The following LRRC2 variants were observed in gnomAD, a reference collection of about 807,000 sequenced individuals.
LRRC2 encodes leucine rich repeat containing 2.
LRRC2 carries 27 observed loss-of-function variants against 40.2 expected under a neutral mutation model. The ratio of observed to expected loss-of-function variants is 0.67; its 90% CI spans 0.49 to 0.93. The LOEUF is 0.93. LRRC2 is among the 40% of genes least tolerant of loss of function. The pLI is 0.00. For synonymous variants in LRRC2, 147 were observed against 158.9 expected (o/e 0.92, Z 0.56); for missense variants, 402 against 439.6 (o/e 0.91, Z 0.76).
chr3:46,550,248 C>T (rs907988118), intron 2 of LRRC2, among the ~76,000 whole-genome samples: 1 of 152,096 alleles, frequency 6.6e-6, no homozygotes, highest in East Asian at 1.9e-4. Context: ...GTGGTAACCA[C>T]CTGAAACCAC....
chr3:46,563,704 C>T (rs562514159), intron 1 of LRRC2, among the ~76,000 whole-genome samples: 78 of 152,340 alleles, frequency 5.1e-4, no homozygotes, highest in African/African-American at 1.7e-3. Context: ...TGGACCAAGC[C>T]ATAGACGAGC....
chr3:46,536,086 G>A (rs1704264727), intron 4 of LRRC2, among the ~76,000 whole-genome samples: 1 of 152,166 alleles, frequency 6.6e-6, no homozygotes, highest in Admixed American at 6.5e-5. Context: ...AGAACACAGT[G>A]TAAGCCCATG....
rs1432437701 is a variant in LRRC2, at chr3:46,566,233, C to T, written c.-76G>A. 1 of 151,818 alleles carries T rather than the reference C, an allele frequency of 6.6e-6. No homozygotes were observed. The highest frequency in any genetic ancestry group is 1.5e-5 in the Non-Finnish European group (1 of 68,014). 9.4% of individuals were successfully genotyped at this position (151,818 alleles called of 1,614,324 possible). ...GCCTGCCCGCCGCGGCTGTTTACAC[C>T]GCAGAGGCTGTTTACACCGCAGAGG... is the stretch of plus-strand genomic sequence containing the variant. On this transcript the variant is annotated 5_prime_UTR_variant, in exon 1 of 9. Transcript: ENST00000395905.
At chr3:46,523,555 T>C (rs1320682071) in intron 7 of LRRC2, among the ~76,000 whole-genome samples, 1 of 152,190 alleles carries the variant, frequency 6.6e-6, no homozygotes, top group Non-Finnish European at 1.5e-5. Context: ...TTCACAAAAG[T>C]AGAAAAAAGT....
At chr3:46,548,725 G>T (rs535736337) in intron 2 of LRRC2, among the ~76,000 whole-genome samples, 2 of 152,158 alleles carry the variant, frequency 1.3e-5, no homozygotes, top group Non-Finnish European at 2.9e-5. Context: ...TAAATCAGCA[G>T]TCCTCAACCT....
intron 1 of LRRC2, among the ~76,000 whole-genome samples, 195 bp from the exon 2 acceptor site, chr3:46,551,805 C>A (rs1199352653): frequency 3.0e-5 from 1 of 33,820 alleles, no homozygotes; most frequent in Non-Finnish European, 5.2e-5. Context: ...TTTTGTTTGT[C>A]TTGTTTTTAT....
chr3:46,546,326 G>A (rs1041212698), intron 2 of LRRC2, among the ~76,000 whole-genome samples: 4 of 152,234 alleles, frequency 2.6e-5, no homozygotes, highest in African/African-American at 9.6e-5. Context: ...TGGCACTGTG[G>A]GGCACAGGCA....
At chr3:46,519,212 A>G (rs1703922147) in intron 8 of LRRC2, 149 bp from the exon 9 acceptor site, 4 of 631,478 alleles carry the variant, frequency 6.3e-6, no homozygotes, top group Non-Finnish European at 1.1e-5. Flanking sequence ...ATAGGTGATA[A>G]ATAATGCATT....
At chr3:46,532,940 A>G in intron 4 of LRRC2, 31 bp from the exon 5 acceptor site, 1 of 1,608,690 alleles carries the variant, frequency 6.2e-7, no homozygotes, top group Non-Finnish European at 8.5e-7. Context: ...CATCCATTGA[A>G]TAGGTCGTTT....
Position 46,519,082 on chromosome 3 carries a change from A to T in LRRC2, c.1067-19T>A. On this transcript the variant is annotated intron_variant, in intron 8 of 8. Transcript: ENST00000395905. ...ACAGATTCTGTAACAGAAAGAAAAA[A>T]GTATGCTCAATCATTCACCATTTTA... 1.3e-6 allele frequency: 2 copies of T among 1,577,616 alleles called. No homozygotes were observed. Among genetic ancestry groups the T allele is most frequent in the Non-Finnish European group, 1.7e-6 (2 of 1,147,256 alleles).
At chr3:46,560,512 C>G (rs573054184) in intron 1 of LRRC2, among the ~76,000 whole-genome samples, 1 of 152,202 alleles carries the variant, frequency 6.6e-6, no homozygotes, top group African/African-American at 2.4e-5. Context: ...TTAACCTCTA[C>G]GGGATCCAGT....
At chr3:46,562,888 G>A (rs933590685) in intron 1 of LRRC2, among the ~76,000 whole-genome samples, 4 of 151,940 alleles carry the variant, frequency 2.6e-5, no homozygotes, top group Non-Finnish European at 5.9e-5. Flanking sequence ...ACCATATCCG[G>A]CTAATTTTTG....
intron 1 of LRRC2, 141 bp from the exon 2 acceptor site, chr3:46,551,751 CTTTTTTTTTT>C (rs748541390): frequency 4.5e-4 from 62 of 138,900 alleles, no homozygotes; most frequent in South Asian, 8.4e-4. Context: ...TGACAGTTTG[CTTTTTTTTTT>C]TTTTTTTTTT....
chr3:46,541,715 C>A (rs1243441829), intron 3 of LRRC2, among the ~76,000 whole-genome samples: 1 of 152,098 alleles, frequency 6.6e-6, no homozygotes, highest in African/African-American at 2.4e-5. Context: ...GAAGTCACGG[C>A]CCAAAGAAAG....
chr3:46,534,759 T>C (rs1255409844), intron 4 of LRRC2, among the ~76,000 whole-genome samples: 1 of 152,192 alleles, frequency 6.6e-6, no homozygotes, highest in East Asian at 1.9e-4. Flanking sequence ...ATACCCTGTC[T>C]AGTAATCACA....
At chr3:46,521,498 T>C in intron 8 of LRRC2, 24 bp downstream of exon 8, 1 of 1,520,738 alleles carries the variant, frequency 6.6e-7, no homozygotes, top group East Asian at 2.4e-5. Context: ...TAATTTTAAA[T>C]AATTTTAAAT....
At position 46,518,790 on chromosome 3, in the gene LRRC2, T is replaced by G; in HGVS notation, c.*224A>C. 2.2e-6 allele frequency: 1 copy of G among 446,408 alleles called. No homozygotes were observed. Among genetic ancestry groups the G allele is most frequent in the Non-Finnish European group, 3.9e-6 (1 of 254,226 alleles). 27.7% of individuals were successfully genotyped at this position (446,408 alleles called of 1,614,324 possible). On this transcript the variant is annotated 3_prime_UTR_variant, in exon 9 of 9. Transcript: ENST00000395905. ...TTATTTGGAAAAAAGTATATGCAAA[T>G]GAACCTGGAAATATCAATATACAAA...
At chr3:46,536,796 T>C (rs141500861) in intron 4 of LRRC2, among the ~76,000 whole-genome samples, 13 of 152,326 alleles carry the variant, frequency 8.5e-5, no homozygotes, top group Admixed American at 3.9e-4. Flanking sequence ...GAATGAATAG[T>C]ACATTGGTGT....
At chr3:46,530,162 G>T in intron 5 of LRRC2, 112 bp from the exon 6 acceptor site, 1 of 834,038 alleles carries the variant, frequency 1.2e-6, no homozygotes, top group Non-Finnish European at 1.9e-6. Context: ...ATGAATATAT[G>T]CAAAGCAGAT....
Sources: allele counts gnomAD v4.1 joint callset (sites outside exome capture counted in the v4.1 genomes callset), GRCh38; gene constraint gnomAD v4.1.1; transcripts MANE v1.5; gene names NCBI Gene and HGNC (gene_info 2026-07-23, HGNC 2026-07-21).